Variants in ARHGAP12 observed in about 807,000 individuals in gnomAD.
The protein encoded by ARHGAP12 is Rho GTPase activating protein 12, also known as rho GTPase-activating protein 12.
ARHGAP12 carries 64 observed loss-of-function variants against 108.6 expected under a neutral mutation model. That is an observed-to-expected ratio of 0.59 (90% CI 0.48 to 0.73). The LOEUF is 0.73. Ranked by LOEUF, ARHGAP12 falls within the 30% of genes least tolerant of loss-of-function variation. ARHGAP12 has a pLI of 0.00. For synonymous variants in ARHGAP12, 312 were observed against 337.2 expected, an observed-to-expected ratio of 0.93 and a Z score of 0.82; for missense variants, 940 against 1,005.9, an observed-to-expected ratio of 0.93 and a Z score of 0.89.
At chr10:31,928,023 G>A (rs1023990814) in intron 1 of ARHGAP12, among the ~76,000 whole-genome samples, 5 of 152,232 alleles carry the variant, frequency 3.3e-5, no homozygotes, top group Admixed American at 1.3e-4. Flanking sequence ...AGACCGCAAA[G>A]AAGAAAGTGT....
At chr10:31,918,509 C>A (rs1023451087) in intron 1 of ARHGAP12, among the ~76,000 whole-genome samples, 6 of 152,060 alleles carry the variant, frequency 3.9e-5, no homozygotes, top group African/African-American at 1.5e-4. Context: ...TCAAGACCAG[C>A]CTGAGTAACA....
chr10:31,905,715 A>G (rs944457373), intron 3 of ARHGAP12, among the ~76,000 whole-genome samples: 16 of 152,154 alleles, frequency 1.1e-4, no homozygotes, highest in African/African-American at 3.9e-4. Flanking sequence ...TCTTTGGCAT[A>G]AGGTATGTGA....
intron 3 of ARHGAP12, among the ~76,000 whole-genome samples, chr10:31,871,317 A>G (rs1564402219): frequency 6.6e-6 from 1 of 152,246 alleles, no homozygotes; most frequent in Non-Finnish European, 1.5e-5. Context: ...ATCAGTTTTC[A>G]TGGTAAACAC....
At chr10:31,808,958 A>T (rs778302483) in intron 18 of ARHGAP12, 36 bp downstream of exon 18, 2 of 1,529,188 alleles carry the variant, frequency 1.3e-6, no homozygotes, top group South Asian at 1.2e-5. Flanking sequence ...AGAATTTTCA[A>T]TATCTAGAAA....
At chr10:31,852,729 CTTTT>C (rs398013156) in intron 5 of ARHGAP12, 132 bp from the exon 6 acceptor site, 11,556 of 225,704 alleles carry the variant, frequency 0.051, 3 homozygotes, top group East Asian at 0.078. Flanking sequence ...ACAAAAAATT[CTTTT>C]TTTTTTTTTT....
chr10:31,865,409 C>T (rs367845921), intron 3 of ARHGAP12, among the ~76,000 whole-genome samples: 145 of 151,938 alleles, frequency 9.5e-4, no homozygotes, highest in African/African-American at 3.0e-3. Context: ...TTTGTTTTAC[C>T]GTGTGTGTAG....
intron 3 of ARHGAP12, among the ~76,000 whole-genome samples, chr10:31,891,422 G>A (rs1458423928): frequency 6.6e-6 from 1 of 152,160 alleles, no homozygotes; most frequent in Non-Finnish European, 1.5e-5. Context: ...ACTCTCTTCT[G>A]GCTTGCAGAG....
intron 12 of ARHGAP12, 117 bp downstream of exon 12, chr10:31,820,270 T>A: frequency 1.5e-6 from 1 of 676,824 alleles, no homozygotes; most frequent in Non-Finnish European, 2.3e-6. Flanking sequence ...TCTAACTTAA[T>A]CACCAACTTT....
intron 6 of ARHGAP12, among the ~76,000 whole-genome samples, chr10:31,852,185 C>T (rs1836706987): frequency 6.6e-6 from 1 of 152,070 alleles, no homozygotes; most frequent in South Asian, 2.1e-4. Context: ...ATAAGACCAA[C>T]TTTATGTAGA....
intron 4 of ARHGAP12, 86 bp downstream of exon 4, chr10:31,861,309 G>C (rs956100841): frequency 6.8e-7 from 1 of 1,473,166 alleles, no homozygotes; most frequent in South Asian, 1.4e-5. Context: ...CTGACAGTAA[G>C]AAACAAAACT....
intron 1 of ARHGAP12, among the ~76,000 whole-genome samples, chr10:31,927,476 T>C (rs1353865259): frequency 6.6e-6 from 1 of 152,174 alleles, no homozygotes; most frequent in Non-Finnish European, 1.5e-5. Context: ...TGGCAGAACC[T>C]GAATCAGAAC....
chr10:31,884,700 C>T (rs889765841), intron 3 of ARHGAP12, among the ~76,000 whole-genome samples: 2 of 152,158 alleles, frequency 1.3e-5, no homozygotes, highest in East Asian at 1.9e-4. Flanking sequence ...CACTGAGTTA[C>T]GCTTATCTTC....
chr10:31,907,451 C>T (rs565687697), intron 3 of ARHGAP12, among the ~76,000 whole-genome samples: 2 of 144,588 alleles, frequency 1.4e-5, no homozygotes, highest in African/African-American at 2.5e-5. Context: ...ACAGTGAGAT[C>T]CTGTCTCTAA....
At chr10:31,872,382 C>T (rs7906054) in intron 3 of ARHGAP12, among the ~76,000 whole-genome samples, 36,017 of 152,018 alleles carry the variant, frequency 0.24, 4,542 homozygotes, top group Non-Finnish European at 0.29. Flanking sequence ...AAACTCACTA[C>T]ATCCTCTGCC....
At chr10:31,909,958 C>G (rs979246921) in intron 2 of ARHGAP12, among the ~76,000 whole-genome samples, 5 of 152,086 alleles carry the variant, frequency 3.3e-5, no homozygotes, top group Non-Finnish European at 7.4e-5. Flanking sequence ...AGAAGACCAT[C>G]TGAAGAGAGA....
In ARHGAP12 at chr10:31,808,703, T is replaced by C; in HGVS notation, c.2312A>G (p.Gln771Arg). Residue 771 changes from glutamine to arginine, a missense_variant, in exon 19 of 20, where the codon CAG becomes CGG. Physicochemically the swap from Gln to Arg is conservative, Grantham distance 43. Coordinates refer to ENST00000344936, the MANE Select transcript of ARHGAP12 (RefSeq NM_018287.7). ...TGTGTCTTGGTTTGGCTTTGGCAAC[T>C]GTCTGATTAGGTCCTTAACAGCAGC... is the stretch of plus-strand genomic sequence containing the variant. ...RVAAVKDLIR[Q>R]LPKPNQDTMQ... 1 of 1,613,942 alleles carries C rather than the reference T, an allele frequency of 6.2e-7. No homozygotes were observed. Among genetic ancestry groups the C allele is most frequent in the Non-Finnish European group, 8.5e-7 (1 of 1,179,796 alleles).
chr10:31,866,159 C>T (rs1302898282), intron 3 of ARHGAP12, among the ~76,000 whole-genome samples: 1 of 152,076 alleles, frequency 6.6e-6, no homozygotes, highest in Non-Finnish European at 1.5e-5. Flanking sequence ...AGTAGAAGGT[C>T]TACCAGGAAA....
chr10:31,878,629 A>G (rs772620852), intron 3 of ARHGAP12, among the ~76,000 whole-genome samples: 1 of 152,228 alleles, frequency 6.6e-6, no homozygotes, highest in Non-Finnish European at 1.5e-5. Context: ...ACTATGGTCC[A>G]AATCCAGCCT....
chr10:31,888,218 GAAC>G (rs1485523379), intron 3 of ARHGAP12, among the ~76,000 whole-genome samples: 1 of 152,080 alleles, frequency 6.6e-6, no homozygotes, highest in Non-Finnish European at 1.5e-5. Flanking sequence ...CTTATTCTGG[GAAC>G]AACAACATGT....
Sources: allele counts gnomAD v4.1 joint callset (sites outside exome capture counted in the v4.1 genomes callset), GRCh38; gene constraint gnomAD v4.1.1; transcripts MANE v1.5; gene names NCBI Gene and HGNC (gene_info 2026-07-23, HGNC 2026-07-21).